FTCDNL1: variants seen among roughly 807,000 people sequenced by gnomAD.
FTCDNL1 encodes formiminotransferase N-terminal subdomain-containing protein.
A neutral mutation model predicts 5.9 loss-of-function variants in FTCDNL1; 11 were observed. The observed-to-expected ratio is 1.87, with a 90% CI of 1.18 to 3.10. The LOEUF (loss-of-function observed/expected upper bound fraction) is 3.10, where lower values mean the gene tolerates loss of function less well. Among genes scored for constraint, FTCDNL1 ranks in the 30% most tolerant of loss-of-function variants. FTCDNL1 has a pLI of 0.00. For missense variants in FTCDNL1, 115 were observed against 65.5 expected (o/e 1.76, Z -2.61); for synonymous variants, 58 against 24.8 (o/e 2.34, Z -3.99).
At chr2:199,822,795 A>G (rs922392139) in intron 3 of FTCDNL1, among the ~76,000 whole-genome samples, 8 of 152,048 alleles carry the variant, frequency 5.3e-5, no homozygotes, top group African/African-American at 1.4e-4. Context: ...ACATTAAGAA[A>G]CTTCTTTTAT....
the FTCDNL1 span, among the ~76,000 whole-genome samples, chr2:199,749,639 G>A: frequency 6.6e-6 from 1 of 152,004 alleles, no homozygotes; most frequent in Non-Finnish European, 1.5e-5. Context: ...TATTCATTTT[G>A]CATGGACTGA....
chr2:199,842,967 T>G (rs2076631940), intron 3 of FTCDNL1, among the ~76,000 whole-genome samples: 1 of 151,748 alleles, frequency 6.6e-6, no homozygotes. Context: ...TAAAAAAAAT[T>G]TGGATGATAT....
intron 3 of FTCDNL1, among the ~76,000 whole-genome samples, chr2:199,838,688 G>A (rs1298832184): frequency 2.0e-5 from 3 of 152,068 alleles, no homozygotes; most frequent in South Asian, 2.1e-4. Flanking sequence ...GTGGGAAGTC[G>A]GCTTCAGCAG....
the FTCDNL1 span, among the ~76,000 whole-genome samples, chr2:199,675,674 T>C: frequency 6.6e-6 from 1 of 152,298 alleles, no homozygotes; most frequent in African/African-American, 2.4e-5. Flanking sequence ...GAGTGGCTTC[T>C]TCCTCACGGT....
chr2:199,714,687 G>A, the FTCDNL1 span, among the ~76,000 whole-genome samples: 1 of 152,182 alleles, frequency 6.6e-6, no homozygotes, highest in South Asian at 2.1e-4. Flanking sequence ...GCAGCCAGCT[G>A]TGGCACAGGA....
At chr2:199,681,730 T>A in the FTCDNL1 span, among the ~76,000 whole-genome samples, 8 of 152,216 alleles carry the variant, frequency 5.3e-5, no homozygotes, top group South Asian at 2.1e-4. Flanking sequence ...CTCTTAGTGA[T>A]GAGGAATCAG....
chr2:199,846,163 T>C lies in FTCDNL1; in HGVS notation c.123A>G (p.Lys41=), dbSNP rs1225672421. Residue 41 remains lysine, a synonymous_variant, in exon 3 of 5, where the codon AAA becomes AAG. Coordinates refer to ENST00000420128, the MANE Select transcript of FTCDNL1 (RefSeq NM_001363886.2). The part of the protein sequence containing the change: ...KAALLDKNGK[K]HPQVSVLNIF... ...TATTGAGCACTGAAACTTGAGGATG[T>C]TTCTTTCCTGTAAAAAAAACAAGAC... 4.3e-6 allele frequency: 3 copies of C among 694,134 alleles called. No individual in the cohort carries two copies. The highest frequency in any genetic ancestry group is 7.9e-6 in the Non-Finnish European group (3 of 381,402). 43.0% of individuals were successfully genotyped at this position (694,134 alleles called of 1,614,324 possible). A position where few individuals can be genotyped will look rare whatever the true frequency, so the allele number is the denominator to read the frequency against.
chr2:199,845,832 GCA>G (rs2076718386), intron 3 of FTCDNL1, among the ~76,000 whole-genome samples: 1 of 139,060 alleles, frequency 7.2e-6, no homozygotes, highest in Non-Finnish European at 1.5e-5. Context: ...ATCACCTTCA[GCA>G]AAAAAAAAAA....
chr2:199,825,117 G>A (rs1701947317), intron 3 of FTCDNL1, among the ~76,000 whole-genome samples: 1 of 145,576 alleles, frequency 6.9e-6, no homozygotes, highest in African/African-American at 2.5e-5. Flanking sequence ...CAGCCTGGGT[G>A]ACAGAGCAAG....
chr2:199,788,032 T>C (rs1381228375), intron 3 of FTCDNL1, among the ~76,000 whole-genome samples: 1 of 152,038 alleles, frequency 6.6e-6, no homozygotes, highest in East Asian at 1.9e-4. Flanking sequence ...AACCAAAACA[T>C]GAAAAGGCAA....
intron 3 of FTCDNL1, among the ~76,000 whole-genome samples, chr2:199,764,970 A>G (rs1393712421): frequency 6.6e-6 from 1 of 152,120 alleles, no homozygotes; most frequent in Non-Finnish European, 1.5e-5. Flanking sequence ...CCTCATAGTA[A>G]ACCTCAGTGC....
intron 3 of FTCDNL1, among the ~76,000 whole-genome samples, chr2:199,804,136 A>G (rs1700605135): frequency 6.6e-6 from 1 of 152,240 alleles, no homozygotes; most frequent in African/African-American, 2.4e-5. Context: ...TATACGTACT[A>G]GAAACAATAT....
At chr2:199,839,773 A>T (rs1360578276) in intron 3 of FTCDNL1, among the ~76,000 whole-genome samples, 1 of 152,254 alleles carries the variant, frequency 6.6e-6, no homozygotes, top group Non-Finnish European at 1.5e-5. Context: ...ACAAGAACTC[A>T]GTGACACAAC....
At chr2:199,667,751 T>C in the FTCDNL1 span, among the ~76,000 whole-genome samples, 3 of 152,350 alleles carry the variant, frequency 2.0e-5, no homozygotes, top group African/African-American at 7.2e-5. Context: ...CCAATTAATG[T>C]GTCTGAGTCT....
At chr2:199,729,691 G>C in the FTCDNL1 span, among the ~76,000 whole-genome samples, 1 of 152,078 alleles carries the variant, frequency 6.6e-6, no homozygotes, top group Non-Finnish European at 1.5e-5. Context: ...CACTGCTCAA[G>C]GAAATATTAT....
intron 3 of FTCDNL1, among the ~76,000 whole-genome samples, chr2:199,799,063 G>T (rs1233097118): frequency 6.6e-6 from 1 of 152,138 alleles, no homozygotes. Context: ...AAAATCACTA[G>T]GCCGCCTTTC....
intron 3 of FTCDNL1, among the ~76,000 whole-genome samples, chr2:199,774,273 A>G (rs372544099): frequency 3.3e-5 from 5 of 152,182 alleles, no homozygotes; most frequent in African/African-American, 4.8e-5. Flanking sequence ...TCCACTATCA[A>G]TATGCTCTCC....
intron 3 of FTCDNL1, among the ~76,000 whole-genome samples, chr2:199,775,103 G>A (rs1306772541): frequency 6.6e-6 from 1 of 152,086 alleles, no homozygotes; most frequent in Non-Finnish European, 1.5e-5. Flanking sequence ...TTTCCATATT[G>A]CCAGCTGGCC....
intron 3 of FTCDNL1, among the ~76,000 whole-genome samples, chr2:199,802,576 C>A (rs1380599096): frequency 6.6e-6 from 1 of 152,212 alleles, no homozygotes; most frequent in Non-Finnish European, 1.5e-5. Context: ...GTTGGCCTCA[C>A]CTGGTGGCAA....
Sources: allele counts gnomAD v4.1 joint callset (sites outside exome capture counted in the v4.1 genomes callset), GRCh38; gene constraint gnomAD v4.1.1; transcripts MANE v1.5; gene names NCBI Gene and HGNC (gene_info 2026-07-23, HGNC 2026-07-21).